NELL2: variants seen among roughly 807,000 people sequenced by gnomAD.
NELL2 encodes neural EGFL like 2.
In NELL2, 41 loss-of-function variants were observed where a neutral mutation model predicts 109.6. The ratio of observed to expected loss-of-function variants is 0.37; its 90% CI spans 0.29 to 0.49. NELL2 has a LOEUF of 0.49. NELL2 is among the 20% of genes least tolerant of loss of function. The pLI, the probability that NELL2 is intolerant of heterozygous loss-of-function variation, is 0.98. For synonymous variants in NELL2, 355 were observed against 344.7 expected, an observed-to-expected ratio of 1.03 and a Z score of -0.33; for missense variants, 900 against 1,008.3, an observed-to-expected ratio of 0.89 and a Z score of 1.45.
chr12:44,892,110 G>A (rs1347994027), intron 1 of NELL2, among the ~76,000 whole-genome samples: 1 of 152,184 alleles, frequency 6.6e-6, no homozygotes, highest in Non-Finnish European at 1.5e-5. Flanking sequence ...GAGAGAATAT[G>A]TGCATGGTTG....
At chr12:44,541,143 C>T (rs2198339) in intron 15 of NELL2, among the ~76,000 whole-genome samples, 56,705 of 148,276 alleles carry the variant, frequency 0.38, 12,815 homozygotes, top group East Asian at 0.67. Flanking sequence ...CCCAGCTACT[C>T]GGGAGGCTGA....
At chr12:44,603,290 C>A (rs1175068032) in intron 15 of NELL2, among the ~76,000 whole-genome samples, 1 of 151,780 alleles carries the variant, frequency 6.6e-6, no homozygotes, top group African/African-American at 2.4e-5. Context: ...CATTTGTTAC[C>A]AACTTTTTCC....
At position 44,840,914 on chromosome 12, in the gene NELL2, T is replaced by C. The variant is rs189598733; in HGVS notation, c.185-24778A>G. Among the ~76,000 whole-genome samples, 113 of 152,308 alleles carry C rather than the reference T, an allele frequency of 7.4e-4. 1 individual carries two copies. The highest frequency in any genetic ancestry group is 2.5e-3 in the African/African-American group (103 of 41,566). ...AAAATGTTTTCCTATGGTAGTTGTT[T>C]ATGTGTGTAAATTTGAGGCGATAAC... On this transcript the variant is annotated intron_variant, in intron 2 of 19. Transcript: ENST00000429094.
intron 13 of NELL2, among the ~76,000 whole-genome samples, chr12:44,645,969 G>C (rs531472786): frequency 6.6e-6 from 1 of 152,020 alleles, no homozygotes; most frequent in Non-Finnish European, 1.5e-5. Flanking sequence ...TAACTGTTTA[G>C]CAATCAATTC....
chr12:44,605,232 A>G (rs780032507), intron 15 of NELL2, among the ~76,000 whole-genome samples: 1 of 152,154 alleles, frequency 6.6e-6, no homozygotes, highest in African/African-American at 2.4e-5. Context: ...GATGCTAGGA[A>G]AAAGGAAAAC....
At chr12:44,513,058 C>T (rs2138960468) in intron 19 of NELL2, among the ~76,000 whole-genome samples, 1 of 152,130 alleles carries the variant, frequency 6.6e-6, no homozygotes, top group East Asian at 1.9e-4. Context: ...TATCAACACT[C>T]TGTACCCCCA....
At chr12:44,664,554 T>A (rs1006954691) in intron 13 of NELL2, among the ~76,000 whole-genome samples, 3 of 152,076 alleles carry the variant, frequency 2.0e-5, no homozygotes, top group Non-Finnish European at 4.4e-5. Flanking sequence ...TATAGATTCA[T>A]ATTTTTACTA....
chr12:44,613,217 A>G (rs1800593113), intron 13 of NELL2, among the ~76,000 whole-genome samples: 1 of 152,064 alleles, frequency 6.6e-6, no homozygotes, highest in Admixed American at 6.6e-5. Context: ...CTAACACCAC[A>G]TACAAGGTTC....
chr12:44,658,644 G>A (rs1468065360), intron 13 of NELL2, among the ~76,000 whole-genome samples: 1 of 151,850 alleles, frequency 6.6e-6, no homozygotes, highest in East Asian at 1.9e-4. Context: ...ACAATCCTAA[G>A]CAAAAAGGGA....
At chr12:44,771,672 T>G (rs1566356842) in intron 9 of NELL2, among the ~76,000 whole-genome samples, 1 of 152,186 alleles carries the variant, frequency 6.6e-6, no homozygotes, top group Non-Finnish European at 1.5e-5. Flanking sequence ...AAGCCCCTCC[T>G]CCCAATGCTT....
At chr12:44,528,958 C>T (rs1177414876) in intron 16 of NELL2, among the ~76,000 whole-genome samples, 1 of 152,148 alleles carries the variant, frequency 6.6e-6, no homozygotes, top group Non-Finnish European at 1.5e-5. Flanking sequence ...GCAAAGGATG[C>T]ATATCATGTG....
chr12:44,593,056 G>C (rs1944817406), intron 15 of NELL2, among the ~76,000 whole-genome samples: 1 of 152,176 alleles, frequency 6.6e-6, no homozygotes, highest in Non-Finnish European at 1.5e-5. Context: ...GAGTCTGTCA[G>C]GCATAGGTGA....
intron 9 of NELL2, among the ~76,000 whole-genome samples, chr12:44,742,851 A>G (rs551124165): frequency 6.6e-6 from 1 of 152,202 alleles, no homozygotes; most frequent in South Asian, 2.1e-4. Context: ...TGACGGGGAG[A>G]ATGGAACCAA....
rs1357248648 is a variant in NELL2, at chr12:44,523,493, A to G, written c.1805-9T>C. 1.9e-6 allele frequency: 3 copies of G among 1,611,520 alleles called. No individual in the cohort carries two copies. The East Asian group carries it at 6.7e-5, about 36-fold the overall frequency. On this transcript the variant is annotated splice_polypyrimidine_tract_variant and intron_variant, in intron 16 of 19. Transcript: ENST00000429094. ...CCCACACTCATCAATATCTATAGACAAGAAAAAGCAGCACTCAATGTGCTT... is the reference window on the plus strand; with the variant it reads ...CCCACACTCATCAATATCTATAGACGAGAAAAAGCAGCACTCAATGTGCTT...
intron 15 of NELL2, among the ~76,000 whole-genome samples, chr12:44,606,353 A>G (rs953284048): frequency 6.6e-6 from 1 of 152,158 alleles, no homozygotes; most frequent in African/African-American, 2.4e-5. Flanking sequence ...ATTGAGATTT[A>G]TGAAAAGCAG....
chr12:44,742,131 GC>G (rs1221778772), intron 9 of NELL2, among the ~76,000 whole-genome samples: 1 of 151,998 alleles, frequency 6.6e-6, no homozygotes, highest in Non-Finnish European at 1.5e-5. Flanking sequence ...GAACGATCAG[GC>G]AGCAGCATTT....
chr12:44,607,084 A>T, intron 15 of NELL2, 85 bp downstream of exon 15: 1 of 1,197,076 alleles, frequency 8.4e-7, no homozygotes, highest in Non-Finnish European at 1.2e-6. Context: ...AGCCCACTTG[A>T]AACTTGAAAC....
chr12:44,562,722 G>A (rs899087567), intron 15 of NELL2, among the ~76,000 whole-genome samples: 1 of 152,194 alleles, frequency 6.6e-6, no homozygotes, highest in African/African-American at 2.4e-5. Flanking sequence ...GTTGGTGGGA[G>A]TGTAAATTAG....
chr12:44,788,867 G>A (rs901364677), intron 3 of NELL2, among the ~76,000 whole-genome samples: 32 of 151,966 alleles, frequency 2.1e-4, no homozygotes, highest in Admixed American at 6.6e-5. Context: ...ATGGCAGTTC[G>A]GTGAGGCCTG....
Sources: allele counts gnomAD v4.1 joint callset (sites outside exome capture counted in the v4.1 genomes callset), GRCh38; gene constraint gnomAD v4.1.1; transcripts MANE v1.5; gene names NCBI Gene and HGNC (gene_info 2026-07-23, HGNC 2026-07-21).